The following TULP4 variants were observed in gnomAD, a reference collection of about 807,000 sequenced individuals.
TULP4 encodes TUB like protein 4, also known as tubby-related protein 4.
TULP4 carries 16 observed loss-of-function variants against 129.0 expected under a neutral mutation model. The observed-to-expected ratio is 0.12, with a 90% CI of 0.08 to 0.19. TULP4 has a LOEUF of 0.19. Among genes scored for constraint, TULP4 ranks in the 10% least tolerant of loss-of-function variants. The probability of loss-of-function intolerance (pLI) is 1.00; values close to 1 mark genes in which losing one functional copy is unlikely to be tolerated. For synonymous variants in TULP4, 998 were observed against 854.0 expected, an observed-to-expected ratio of 1.17 and a Z score of -2.94; for missense variants, 1,842 against 2,059.1, an observed-to-expected ratio of 0.89 and a Z score of 2.04.
At chr6:158,453,432 CG>C (rs1779208104) in intron 5 of TULP4, among the ~76,000 whole-genome samples, 1 of 125,778 alleles carries the variant, frequency 8.0e-6, no homozygotes, top group African/African-American at 3.1e-5. Flanking sequence ...TGCAGTAAGC[CG>C]AGATCACGCC....
rs375147893 is a variant in TULP4 at position 158,374,117 on chromosome 6, C to CAG, written c.253-38946_253-38945dup. ...AATGATGCAAAGTCCTGCTCAGATG[C>CAG]AGATATTCATCAGAAGTAAACAGCA... On this transcript the variant is annotated intron_variant, in intron 1 of 13. Transcript: ENST00000367097. 2.5e-3 allele frequency among the ~76,000 whole-genome samples: 374 copies of CAG among 152,160 alleles called. 1 individual carries two copies. Among genetic ancestry groups the CAG allele is most frequent in the African/African-American group, 8.6e-3 (359 of 41,512 alleles).
chr6:158,482,039 G>C lies in TULP4; in HGVS notation c.1486+750G>C, dbSNP rs1167577133. Reference sequence around the variant, plus strand: ...TCACCTATGGCAGAACGAACAGCACGCTTAGTCATTGTGCTCCAGACGCTG... The same window carrying C: ...TCACCTATGGCAGAACGAACAGCACCCTTAGTCATTGTGCTCCAGACGCTG... On this transcript the variant is annotated intron_variant, in intron 8 of 13. Coordinates refer to ENST00000367097, the MANE Select transcript of TULP4 (RefSeq NM_020245.5). Among the ~76,000 whole-genome samples, 6 of 152,202 alleles carry C rather than the reference G, an allele frequency of 3.9e-5. 1 individual carries two copies. The highest frequency in any genetic ancestry group is 8.8e-5 in the Non-Finnish European group (6 of 68,036).
chr6:158,327,853 C>T (rs1393444669), intron 1 of TULP4, among the ~76,000 whole-genome samples: 1 of 152,016 alleles, frequency 6.6e-6, no homozygotes, highest in Non-Finnish European at 1.5e-5. Flanking sequence ...AAGAGTAGTG[C>T]ACCATGAATC....
intron 10 of TULP4, 28 bp from the exon 11 acceptor site, chr6:158,494,722 ATTC>A (rs1780291176): frequency 1.3e-6 from 2 of 1,581,032 alleles, no homozygotes; most frequent in South Asian, 1.1e-5. Flanking sequence ...ATAGATTGTG[ATTC>A]TTCTTTTTTC....
chr6:158,503,121 T>C lies in TULP4; in HGVS notation c.3458T>C (p.Leu1153Pro). 6.2e-7 allele frequency: 1 copy of C among 1,614,012 alleles called. No homozygotes were observed. Among genetic ancestry groups the C allele is most frequent in the Non-Finnish European group, 8.5e-7 (1 of 1,179,920 alleles). ...SGPNPLKLSS[L>P]MLSQGQHLDV... ...CCCAACCCCTTAAAACTGTCCTCTC[T>C]GATGCTGAGTCAGGGCCAGCACCTG... Residue 1153 changes from leucine (L) to proline (P), a missense_variant, in exon 13 of 14, where the codon CTG becomes CCG. Around this residue, in one of 5 missense-constraint regions of TULP4, gnomAD observed 1,089 missense variants for 987.1 expected, o/e 1.10. Coordinates refer to ENST00000367097, the MANE Select transcript of TULP4 (RefSeq NM_020245.5). The surrounding 1 kb of genome is among the most constrained non-coding windows in gnomAD (Gnocchi z 4.3).
intron 1 of TULP4, among the ~76,000 whole-genome samples, chr6:158,405,243 T>C (rs1002978661): frequency 1.3e-5 from 2 of 152,028 alleles, no homozygotes; most frequent in Admixed American, 6.6e-5. Flanking sequence ...AATCAGAAAA[T>C]AAGGAAAAGT....
chr6:158,362,061 C>A (rs1201016909), intron 1 of TULP4, among the ~76,000 whole-genome samples: 1 of 152,178 alleles, frequency 6.6e-6, no homozygotes, highest in Non-Finnish European at 1.5e-5. Context: ...TTGGATTCTA[C>A]ACAGAAGTAC....
At position 158,245,985 on chromosome 6, in the gene TULP4, C is replaced by G. The variant is rs552586136; in HGVS notation, n.68+13682C>G. 2.4e-3 allele frequency among the ~76,000 whole-genome samples: 365 copies of G among 150,598 alleles called. 2 individuals carry two copies. The highest frequency in any genetic ancestry group is 4.0e-3 in the South Asian group (19 of 4,762). On this transcript the variant is annotated intron_variant and non_coding_transcript_variant, in intron 1 of 1. Transcript: ENST00000620026. ...TAAGATTCAAATTTCCTGGACTGAG[C>G]ATATGATTGACCGTGAGTAATTTGC...
intron 5 of TULP4, among the ~76,000 whole-genome samples, chr6:158,452,490 T>C (rs1779183761): frequency 6.6e-6 from 1 of 152,234 alleles, no homozygotes; most frequent in African/African-American, 2.4e-5. Context: ...TGACATTCAG[T>C]CTTTGTCTTA....
intron 1 of TULP4, among the ~76,000 whole-genome samples, chr6:158,385,862 T>TTTTTTTTA (rs71030163): frequency 6.9e-6 from 1 of 144,378 alleles, no homozygotes; most frequent in African/African-American, 2.6e-5. Flanking sequence ...TTTTTTTTTT[T>TTTTTTTTA]GAGAAAAAGT....
At chr6:158,323,992 A>G (rs1202840560) in intron 1 of TULP4, among the ~76,000 whole-genome samples, 2 of 152,222 alleles carry the variant, frequency 1.3e-5, no homozygotes, top group African/African-American at 4.8e-5. Flanking sequence ...CTATCCTTGA[A>G]GTTAAGTGAG....
intron 2 of TULP4, among the ~76,000 whole-genome samples, chr6:158,421,290 AG>A (rs1778332487): frequency 6.6e-6 from 1 of 151,722 alleles, no homozygotes; most frequent in Non-Finnish European, 1.5e-5. Context: ...TGAACCCGGG[AG>A]GCGGAGCTTG....
intron 1 of TULP4, among the ~76,000 whole-genome samples, chr6:158,338,216 C>T (rs1780090658): frequency 6.6e-6 from 1 of 152,108 alleles, no homozygotes; most frequent in African/African-American, 2.4e-5. Context: ...ATAGCTCACT[C>T]CAGCCTTGAA....
At chr6:158,460,912 TAAAA>T (rs371202204) in intron 5 of TULP4, among the ~76,000 whole-genome samples, 49 of 141,760 alleles carry the variant, frequency 3.5e-4, no homozygotes, top group Non-Finnish European at 6.6e-4. Context: ...TGCTGTCTCT[TAAAA>T]AAAAAAAAAA....
intron 1 of TULP4, among the ~76,000 whole-genome samples, chr6:158,378,738 G>A (rs1454868233): frequency 2.6e-5 from 4 of 151,824 alleles, no homozygotes; most frequent in African/African-American, 7.3e-5. Context: ...GCCTGCCTCC[G>A]CCTCCCAAAG....
At chr6:158,240,546 C>T (rs1457631254) in intron 1 of TULP4, among the ~76,000 whole-genome samples, 80 of 74,970 alleles carry the variant, frequency 1.1e-3, no homozygotes, top group African/African-American at 3.0e-3. Context: ...CCCTCCCGGA[C>T]GGGGGCGGCT....
Position 158,444,184 on chromosome 6 carries a change from T to C in TULP4, c.544-4812T>C, listed in dbSNP as rs7754855. Among the ~76,000 whole-genome samples, 659 of 114,724 alleles carry C rather than the reference T, an allele frequency of 5.7e-3. 6 individuals carry two copies. Among genetic ancestry groups the C allele is most frequent in the East Asian group, 0.025 (82 of 3,276 alleles). 75.3% of individuals were successfully genotyped at this position (114,724 alleles called of 152,430 possible). A position where few individuals can be genotyped will look rare whatever the true frequency, so the allele number is the denominator to read the frequency against. On this transcript the variant is annotated intron_variant, in intron 3 of 13. Transcript: ENST00000367097. Reference sequence around the variant, plus strand: ...GCAGTGAGCCAAGATTGCACCACTGTACTCCAGCCTGGGCGACAGAGCAAG... The same window carrying C: ...GCAGTGAGCCAAGATTGCACCACTGCACTCCAGCCTGGGCGACAGAGCAAG...
In TULP4 at chr6:158,301,586, G is replaced by T. The variant is rs940179610; in HGVS notation, n.117-10465G>T. On this transcript the variant is annotated intron_variant and non_coding_transcript_variant, in intron 1 of 1. Coordinates refer to the TULP4 transcript ENST00000432358. ...CTTGTCCAATTAGGGTGGCCATTTG[G>T]TCCAGATAAACAGACAAAGTTTTTG... 1.1e-4 allele frequency among the ~76,000 whole-genome samples: 16 copies of T among 152,254 alleles called. No individual in the cohort carries two copies. The South Asian group carries it at 3.1e-3, about 30-fold the overall frequency.
intron 6 of TULP4, among the ~76,000 whole-genome samples, chr6:158,468,853 G>A (rs1779611396): frequency 6.6e-6 from 1 of 152,182 alleles, no homozygotes; most frequent in South Asian, 2.1e-4. Context: ...ATGAGTAAAA[G>A]CAGGGAGGCG....
Sources: gnomAD v4.1 joint callset for allele counts (sites outside exome capture counted in the v4.1 genomes callset) on GRCh38, gnomAD v4.1.1 for gene constraint, gnomAD v4.1.1 regional missense constraint, Gnocchi (gnomAD v3.1) non-coding constraint, MANE v1.5 for transcripts, NCBI Gene and HGNC (gene_info 2026-07-23, HGNC 2026-07-21) for gene names.